The following NEDD1 variants were observed in gnomAD, a reference collection of about 807,000 sequenced individuals.
NEDD1 encodes NEDD1 gamma-tubulin ring complex targeting factor, also known as protein NEDD1.
A neutral mutation model predicts 74.0 loss-of-function variants in NEDD1; 33 were observed. The observed-to-expected ratio is 0.45, with a 90% CI of 0.34 to 0.60. NEDD1 has a LOEUF of 0.60. Among genes scored for constraint, NEDD1 ranks in the 20% least tolerant of loss-of-function variants. NEDD1 has a pLI of 0.01. For missense variants in NEDD1, 746 were observed against 776.5 expected, an observed-to-expected ratio of 0.96 and a Z score of 0.47; for synonymous variants, 250 against 264.4, an observed-to-expected ratio of 0.95 and a Z score of 0.53.
chr12:96,909,882 T>C lies in NEDD1; in HGVS notation c.123T>C (p.Cys41=). The change falls in exon 3 of 16, where the codon TGT becomes TGC. Residue 41 remains cysteine (C), a synonymous_variant. Coordinates refer to ENST00000266742, the MANE Select transcript of NEDD1 (RefSeq NM_152905.4). ...CACCACATGGAATCAGCTCAATATGTTGGAGCAGCAATAGTATCCTTTAAA... is the reference window on the plus strand; with the variant it reads ...CACCACATGGAATCAGCTCAATATGCTGGAGCAGCAATAGTATCCTTTAAA... ...HTSPHGISSI[C]WSSNNNFLVT... 6.2e-7 allele frequency: 1 copy of C among 1,606,522 alleles called. No homozygotes were observed. The highest frequency in any genetic ancestry group is 8.5e-7 in the Non-Finnish European group (1 of 1,177,616).
intron 4 of NEDD1, among the ~76,000 whole-genome samples, chr12:96,916,440 A>G (rs1440873947): frequency 6.5e-5 from 7 of 107,360 alleles, no homozygotes; most frequent in African/African-American, 2.5e-4. Flanking sequence ...AGAGTGTGAT[A>G]TTCCCCTTCC....
In NEDD1 at chr12:96,951,951, T is replaced by C; in HGVS notation, c.1881T>C (p.Asn627=). 1 of 1,514,540 alleles carries C rather than the reference T, an allele frequency of 6.6e-7. No homozygotes were observed. Among genetic ancestry groups the C allele is most frequent in the South Asian group, 1.1e-5 (1 of 88,344 alleles). The allele number at this position is 1,514,540 out of a possible 1,614,324, so 93.8% of individuals were successfully genotyped here. A position where few individuals can be genotyped will look rare whatever the true frequency, so the allele number is the denominator to read the frequency against. The change falls in exon 16 of 16, where the codon AAT becomes AAC. Residue 627 remains asparagine, a splice_region_variant and synonymous_variant. Transcript: ENST00000266742. ...EMIKQFHMQL[N]EMHSLLERYS... is the part of the protein sequence containing the mutation. Reference sequence around the variant, plus strand: ...AAAGCATTTTCCTGTTTTTCTAGAATGAAATGCATTCTTTGCTGGAAAGAT... The same window carrying C: ...AAAGCATTTTCCTGTTTTTCTAGAACGAAATGCATTCTTTGCTGGAAAGAT...
At chr12:96,915,761 C>T (rs1874373151) in intron 4 of NEDD1, among the ~76,000 whole-genome samples, 1 of 152,184 alleles carries the variant, frequency 6.6e-6, no homozygotes. Context: ...AACTTGACAA[C>T]ATCTGTATTT....
rs781360419 is a variant in NEDD1 at position 96,952,348 on chromosome 12, T to C, written c.*295T>C. 133 of 181,980 alleles carry C rather than the reference T, an allele frequency of 7.3e-4. No individual in the cohort carries two copies. The highest frequency in any genetic ancestry group is 1.4e-3 in the Non-Finnish European group (121 of 88,172). 11.3% of individuals were successfully genotyped at this position (181,980 alleles called of 1,614,324 possible). ...TTTCATAAGAGAAGAAAATTGTGCA[T>C]AAAAATTGGTTATGTTTGTTTTTTA... On this transcript the variant is annotated 3_prime_UTR_variant, in exon 16 of 16. Coordinates refer to ENST00000266742, the MANE Select transcript of NEDD1 (RefSeq NM_152905.4).
intron 3 of NEDD1, 77 bp downstream of exon 3, chr12:96,909,972 C>A: frequency 6.7e-7 from 1 of 1,494,750 alleles, no homozygotes; most frequent in Non-Finnish European, 9.0e-7. Flanking sequence ...GTCAATGAAA[C>A]TTTTGCATGT....
chr12:96,945,249 T>G (rs1878082246), intron 13 of NEDD1, among the ~76,000 whole-genome samples: 1 of 152,122 alleles, frequency 6.6e-6, no homozygotes, highest in Non-Finnish European at 1.5e-5. Context: ...AACTCTCATA[T>G]AAATATCTAT....
rs187328152 is a variant in NEDD1, at chr12:96,916,127, G to A, written c.232-1494G>A. Among the ~76,000 whole-genome samples, 159 of 151,944 alleles carry A rather than the reference G, an allele frequency of 1.0e-3. 1 individual carries two copies. The highest frequency in any genetic ancestry group is 3.7e-3 in the African/African-American group (152 of 41,418). ...GTATGGCTGGAGAATTAGTGGATGA[G>A]GAAGAAAATGGTAACAGATGAGGTA... On this transcript the variant is annotated intron_variant, in intron 4 of 15. Transcript: ENST00000266742.
chr12:96,948,298 G>A (rs1166490119), intron 14 of NEDD1, among the ~76,000 whole-genome samples: 3 of 152,152 alleles, frequency 2.0e-5, no homozygotes, highest in African/African-American at 7.2e-5. Context: ...AAGTTGGTGA[G>A]TAAATTGAGA....
At chr12:96,943,457 C>G (rs1184924246) in intron 11 of NEDD1, 103 bp from the exon 12 acceptor site, 3 of 752,216 alleles carry the variant, frequency 4.0e-6, no homozygotes, top group East Asian at 5.0e-5. Flanking sequence ...GAATGCAGAT[C>G]CATATCTTCT....
intron 6 of NEDD1, among the ~76,000 whole-genome samples, chr12:96,921,909 C>G (rs1365444227): frequency 6.6e-6 from 1 of 151,882 alleles, no homozygotes. Flanking sequence ...AGCCACCACA[C>G]CCAGCTGGGA....
chr12:96,909,985 C>T (rs937660527), intron 3 of NEDD1, 90 bp downstream of exon 3: 73 of 1,397,084 alleles, frequency 5.2e-5, no homozygotes, highest in Non-Finnish European at 6.7e-5. Context: ...TTGCATGTGC[C>T]TCATACTGAG....
chr12:96,946,751 G>A (rs1878238440), intron 14 of NEDD1, among the ~76,000 whole-genome samples: 1 of 152,116 alleles, frequency 6.6e-6, no homozygotes, highest in Admixed American at 6.6e-5. Context: ...TTTGGGATCA[G>A]TAGAATAGAA....
intron 6 of NEDD1, among the ~76,000 whole-genome samples, chr12:96,929,603 A>ATG (rs1291843691): frequency 0.022 from 1,066 of 48,414 alleles, 5 homozygotes; most frequent in Non-Finnish European, 0.031. Flanking sequence ...ACACACACAT[A>ATG]TGTGTATATA....
rs1349780103 is a variant in NEDD1 at position 96,952,533 on chromosome 12, G to A, written c.*480G>A. 6.6e-6 allele frequency: 1 copy of A among 151,890 alleles called. No individual in the cohort carries two copies. Among genetic ancestry groups the A allele is most frequent in the Non-Finnish European group, 1.5e-5 (1 of 67,850 alleles). The allele number at this position is 151,890 out of a possible 1,614,324, so 9.4% of individuals were successfully genotyped here. A position where few individuals can be genotyped will look rare whatever the true frequency, so the allele number is the denominator to read the frequency against. The stretch of plus-strand genomic sequence containing the variant: ...AAGCCATTGACTAATAAAACATAGG[G>A]TTGGCTAGTAATTATTTTGTTAACT... On this transcript the variant is annotated 3_prime_UTR_variant, in exon 16 of 16. Coordinates refer to ENST00000266742, the MANE Select transcript of NEDD1 (RefSeq NM_152905.4).
At chr12:96,949,920 A>G (rs1878546256) in intron 14 of NEDD1, among the ~76,000 whole-genome samples, 1 of 152,116 alleles carries the variant, frequency 6.6e-6, no homozygotes, top group South Asian at 2.1e-4. Context: ...TTATAACTTC[A>G]TGGTAGGAAA....
intron 6 of NEDD1, among the ~76,000 whole-genome samples, chr12:96,925,785 GCTTATCT>G (rs1039237663): frequency 5.9e-5 from 9 of 152,154 alleles, no homozygotes; most frequent in African/African-American, 2.2e-4. Context: ...AATGCTCAAA[GCTTATCT>G]CTTATCTAAG....
chr12:96,921,213 G>A (rs760929650), intron 6 of NEDD1, among the ~76,000 whole-genome samples: 10 of 151,996 alleles, frequency 6.6e-5, no homozygotes, highest in Admixed American at 5.2e-4. Flanking sequence ...GCGGAGTCTC[G>A]CTCAGCTGCC....
intron 6 of NEDD1, among the ~76,000 whole-genome samples, chr12:96,929,489 A>G (rs1211085140): frequency 6.8e-6 from 1 of 147,622 alleles, no homozygotes; most frequent in Non-Finnish European, 1.5e-5. Flanking sequence ...GCTTCCCTGA[A>G]CTTCTAGACA....
chr12:96,930,699 C>T (rs1418657618), intron 6 of NEDD1, among the ~76,000 whole-genome samples: 3 of 152,100 alleles, frequency 2.0e-5, no homozygotes, highest in Non-Finnish European at 2.9e-5. Flanking sequence ...GCCACTCTTA[C>T]GAGTTAAGGC....
Sources: gnomAD v4.1 joint callset for allele counts (sites outside exome capture counted in the v4.1 genomes callset) on GRCh38, gnomAD v4.1.1 for gene constraint, MANE v1.5 for transcripts, NCBI Gene and HGNC (gene_info 2026-07-23, HGNC 2026-07-21) for gene names.